Variants in RBFOX1 observed in about 807,000 individuals in gnomAD.
The protein encoded by RBFOX1 is RNA binding fox-1 homolog 1.
RBFOX1 carries 8 observed loss-of-function variants against 57.7 expected under a neutral mutation model. The ratio of observed to expected loss-of-function variants is 0.14; its 90% CI spans 0.08 to 0.25. The LOEUF is 0.25. Ranked by LOEUF, RBFOX1 falls within the 10% of genes least tolerant of loss-of-function variation. RBFOX1 has a pLI of 1.00. For missense variants in RBFOX1, 611 were observed against 548.5 expected (o/e 1.11, Z -1.14); for synonymous variants, 326 against 222.4 (o/e 1.47, Z -4.15).
intron 2 of RBFOX1, among the ~76,000 whole-genome samples, chr16:6,553,007 C>G (rs185603759): frequency 1.4e-4 from 22 of 152,216 alleles, no homozygotes; most frequent in African/African-American, 4.1e-4. Flanking sequence ...CCTGCAAGTT[C>G]TCTGAGGACT....
intron 2 of RBFOX1, among the ~76,000 whole-genome samples, chr16:6,415,652 G>C (rs1413705275): frequency 6.6e-6 from 1 of 152,054 alleles, no homozygotes; most frequent in Non-Finnish European, 1.5e-5. Flanking sequence ...AGTGAGCTGA[G>C]ATAACACCAC....
Position 5,371,408 on chromosome 16 carries a change from C to A in RBFOX1, c.220-95808C>A, listed in dbSNP as rs150397017. On this transcript the variant is annotated intron_variant, in intron 1 of 2. Coordinates refer to the RBFOX1 transcript ENST00000585867. The stretch of plus-strand genomic sequence containing the variant: ...TGGGAGGATACAGGGAGAAGAGAGG[C>A]ACCTGCAAGTCCAGGAGAGGCCTCA... 2.5e-4 allele frequency among the ~76,000 whole-genome samples: 38 copies of A among 152,306 alleles called. 1 individual carries two copies. The highest frequency in any genetic ancestry group is 5.0e-4 in the Non-Finnish European group (34 of 68,020).
rs2097661541 is a variant in RBFOX1 at position 6,256,173 on chromosome 16, A to ATG, written c.-126-60821_-126-60820insGT. Among the ~76,000 whole-genome samples, 13 of 14,080 alleles carry ATG rather than the reference A, an allele frequency of 9.2e-4. 2 individuals carry two copies. The highest frequency in any genetic ancestry group is 1.7e-3 in the African/African-American group (13 of 7,476). 9.2% of individuals were successfully genotyped at this position (14,080 alleles called of 152,430 possible). ...TATATATATATGTATATATATATGT[A>ATG]TATATATATATACGTATATATATGT... On this transcript the variant is annotated intron_variant, in intron 1 of 15. Transcript: ENST00000550418.
intron 3 of RBFOX1, among the ~76,000 whole-genome samples, chr16:6,669,453 A>G (rs952388940): frequency 2.6e-5 from 4 of 152,148 alleles, no homozygotes; most frequent in Non-Finnish European, 5.9e-5. Flanking sequence ...TTGCAGATCA[A>G]CCAGAGGTTT....
chr16:7,309,350 C>T (rs772219846), intron 4 of RBFOX1, among the ~76,000 whole-genome samples: 11 of 152,218 alleles, frequency 7.2e-5, no homozygotes, highest in Non-Finnish European at 1.3e-4. Context: ...GACTGCAGGG[C>T]CACCTGGGCT....
Position 7,321,342 on chromosome 16 carries a change from C to G in RBFOX1, c.28-196805C>G, listed in dbSNP as rs548430515. On this transcript the variant is annotated intron_variant, in intron 4 of 15. Coordinates refer to ENST00000550418, the MANE Select transcript of RBFOX1 (RefSeq NM_018723.4). ...TGTGTTTTTTATAGAGACAGGCTTT[C>G]ACCATGTTGGTCAGGCTGTTCTTGA... 3.3e-5 allele frequency among the ~76,000 whole-genome samples: 5 copies of G among 152,076 alleles called. No individual in the cohort carries two copies. In the East Asian group the frequency reaches 9.7e-4, roughly 30 times the overall value.
At chr16:6,562,285 C>G (rs556898356) in intron 2 of RBFOX1, among the ~76,000 whole-genome samples, 2 of 152,324 alleles carry the variant, frequency 1.3e-5, no homozygotes, top group South Asian at 2.1e-4. Context: ...ATTGCCTTAT[C>G]TGCACACTAA....
chr16:6,931,821 T>C (rs7204136), intron 3 of RBFOX1, among the ~76,000 whole-genome samples: 77,620 of 151,914 alleles, frequency 0.51, 20,378 homozygotes, highest in East Asian at 0.68. Context: ...AGTTATGATT[T>C]TGGAGGTCGG....
chr16:7,310,306 C>T (rs2096279636), intron 4 of RBFOX1, among the ~76,000 whole-genome samples: 1 of 152,294 alleles, frequency 6.6e-6, no homozygotes, highest in African/African-American at 2.4e-5. Context: ...GTCCTGGCTC[C>T]TGAGAGGGTT....
rs568895986 is a variant in RBFOX1, at chr16:5,819,934, G to T, written c.319-47369G>T. Among the ~76,000 whole-genome samples, 25 of 152,264 alleles carry T rather than the reference G, an allele frequency of 1.6e-4. No individual in the cohort carries two copies. In the East Asian group the frequency reaches 4.8e-3, roughly 30 times the overall value. ...TTAGAGAGGGTTGGCCTTTCTGCTGGCCTTTATCGTCGCATCCCACTCTGT... is the reference window on the plus strand; with the variant it reads ...TTAGAGAGGGTTGGCCTTTCTGCTGTCCTTTATCGTCGCATCCCACTCTGT... On this transcript the variant is annotated intron_variant, in intron 3 of 19. Coordinates refer to the RBFOX1 transcript ENST00000641259.
At chr16:5,365,214 G>A (rs2065677191) in intron 1 of RBFOX1, among the ~76,000 whole-genome samples, 1 of 152,118 alleles carries the variant, frequency 6.6e-6, no homozygotes, top group South Asian at 2.1e-4. Context: ...CACTGGTTGA[G>A]GGTCGTTCTG....
At chr16:6,469,405 A>G (rs550658772) in intron 2 of RBFOX1, among the ~76,000 whole-genome samples, 2 of 152,280 alleles carry the variant, frequency 1.3e-5, no homozygotes, top group South Asian at 4.1e-4. Context: ...ACCCACATAG[A>G]CAAGTTTTCT....
chr16:6,710,888 G>GTCTGAGAAGACTCCT lies in RBFOX1; in HGVS notation c.-16+56242_-16+56256dup, dbSNP rs1258853539. On this transcript the variant is annotated intron_variant, in intron 3 of 15. Coordinates refer to ENST00000550418, the MANE Select transcript of RBFOX1 (RefSeq NM_018723.4). ...GGGACAGGCTTCATTTGTGCCAAGTGTCTGAGAAGACTCCTTCTAGAAGAC... is the reference window on the plus strand; with the variant it reads ...GGGACAGGCTTCATTTGTGCCAAGTGTCTGAGAAGACTCCTTCTGAGAAGACTCCTTCTAGAAGAC... 2.6e-5 allele frequency among the ~76,000 whole-genome samples: 4 copies of GTCTGAGAAGACTCCT among 152,226 alleles called. No individual in the cohort carries two copies. The East Asian group carries it at 7.7e-4, about 29-fold the overall frequency.
chr16:7,430,388 G>C (rs570701459), intron 4 of RBFOX1, among the ~76,000 whole-genome samples: 1 of 152,152 alleles, frequency 6.6e-6, no homozygotes, highest in African/African-American at 2.4e-5. Context: ...TAGGCTGGGC[G>C]CAGTGGCTCA....
At chr16:7,375,053 T>C (rs527252776) in intron 4 of RBFOX1, among the ~76,000 whole-genome samples, 1 of 152,380 alleles carries the variant, frequency 6.6e-6, no homozygotes, top group African/African-American at 2.4e-5. Flanking sequence ...TAGATAGGCG[T>C]ATGTTTCAGG....
chr16:6,867,246 C>A (rs1319806678), intron 3 of RBFOX1, among the ~76,000 whole-genome samples: 1 of 151,984 alleles, frequency 6.6e-6, no homozygotes, highest in Non-Finnish European at 1.5e-5. Context: ...TACTTTTTTT[C>A]TTCCTTTTTT....
chr16:6,265,207 C>T (rs1339630445), intron 1 of RBFOX1, among the ~76,000 whole-genome samples: 1 of 152,136 alleles, frequency 6.6e-6, no homozygotes, highest in East Asian at 1.9e-4. Context: ...TCTGGTTACC[C>T]TCGGGCCTCT....
At chr16:6,067,485 C>G (rs896361658) in intron 1 of RBFOX1, among the ~76,000 whole-genome samples, 8 of 152,122 alleles carry the variant, frequency 5.3e-5, no homozygotes, top group Non-Finnish European at 1.0e-4. Flanking sequence ...AATCACTAAC[C>G]GTACTTGTCT....
At chr16:6,787,638 G>C (rs1327880693) in intron 3 of RBFOX1, among the ~76,000 whole-genome samples, 1 of 152,100 alleles carries the variant, frequency 6.6e-6, no homozygotes, top group Non-Finnish European at 1.5e-5. Flanking sequence ...GCCAGGTTTT[G>C]AAGACACGTT....
Sources: allele counts gnomAD v4.1 joint callset (sites outside exome capture counted in the v4.1 genomes callset), GRCh38; gene constraint gnomAD v4.1.1; transcripts MANE v1.5; gene names NCBI Gene and HGNC (gene_info 2026-07-23, HGNC 2026-07-21).